ZNF317: variants seen among roughly 807,000 people sequenced by gnomAD.
ZNF317 encodes zinc finger protein 317.
Under a neutral mutation model 23.4 loss-of-function variants are expected in ZNF317, and 17 were observed. That is an observed-to-expected ratio of 0.73 (90% CI 0.50 to 1.09). The LOEUF (loss-of-function observed/expected upper bound fraction) is 1.09, where lower values mean the gene tolerates loss of function less well. ZNF317 is among the 50% of genes least tolerant of loss of function. The probability of loss-of-function intolerance (pLI) is 0.00; values close to 1 mark genes in which losing one functional copy is unlikely to be tolerated. For synonymous variants in ZNF317, 317 were observed against 314.9 expected, an observed-to-expected ratio of 1.01 and a Z score of -0.07; for missense variants, 679 against 796.7, an observed-to-expected ratio of 0.85 and a Z score of 1.78.
chr19:9,161,007 T>G lies in ZNF317; in HGVS notation c.1362T>G (p.Ala454=). The G allele has an allele frequency of 4.3e-6, 7 of 1,613,632 alleles. No individual in the cohort carries two copies. The highest frequency in any genetic ancestry group is 5.9e-6 in the Non-Finnish European group (7 of 1,179,900). The change falls in exon 7 of 7, where the codon GCT becomes GCG. Residue 454 remains alanine, a synonymous_variant. Coordinates refer to ENST00000247956, the MANE Select transcript of ZNF317 (RefSeq NM_020933.5). This position sits in a 1 kb window ranked among gnomAD's most constrained non-coding sequence, Gnocchi z 4.0. Reference sequence around the variant, plus strand: ...ACGGGTGCGATCTCTGCGGGAAAGCTTTCAGCGCGAGTTCAAACCTCACCG... The same window carrying G: ...ACGGGTGCGATCTCTGCGGGAAAGCGTTCAGCGCGAGTTCAAACCTCACCG... The part of the protein sequence containing the change: ...KPYGCDLCGK[A]FSASSNLTAH...
At chr19:9,153,724 T>C (rs1379142602) in intron 1 of ZNF317, among the ~76,000 whole-genome samples, 1 of 152,124 alleles carries the variant, frequency 6.6e-6, no homozygotes, top group African/African-American at 2.4e-5. Context: ...AGGAGACAGT[T>C]GTAGAGGAGC....
chr19:9,143,843 A>T (rs1340842496), intron 1 of ZNF317, among the ~76,000 whole-genome samples: 2 of 137,214 alleles, frequency 1.5e-5, no homozygotes, highest in Non-Finnish European at 3.2e-5. Context: ...ATAACTTTTT[A>T]TTATGTAATA....
chr19:9,156,893 T>C, intron 3 of ZNF317, 145 bp downstream of exon 3: 1 of 1,029,186 alleles, frequency 9.7e-7, no homozygotes, highest in East Asian at 2.6e-5. Flanking sequence ...ATATTGGGGC[T>C]GTCCTGGTGT....
chr19:9,146,728 C>T (rs1239264705), intron 1 of ZNF317, among the ~76,000 whole-genome samples: 1 of 152,048 alleles, frequency 6.6e-6, no homozygotes. Context: ...CCATGCTGGG[C>T]CTATATTTAC....
rs561722503 is a variant in ZNF317, at chr19:9,162,882, T to C, written c.*1449T>C. On this transcript the variant is annotated 3_prime_UTR_variant, in exon 7 of 7. Transcript: ENST00000247956. ...ATGCACACGGATTGCGACCAGAGCATGATGCCTCCATCAAGTGGTAATATG... is the reference window on the plus strand; with the variant it reads ...ATGCACACGGATTGCGACCAGAGCACGATGCCTCCATCAAGTGGTAATATG... 20 of 152,328 alleles carry C rather than the reference T, an allele frequency of 1.3e-4. No homozygotes were observed. The highest frequency in any genetic ancestry group is 4.8e-4 in the African/African-American group (20 of 41,586). 9.4% of individuals were successfully genotyped at this position (152,328 alleles called of 1,614,324 possible). A position where few individuals can be genotyped will look rare whatever the true frequency, so the allele number is the denominator to read the frequency against.
chr19:9,144,294 C>T (rs74257208), intron 1 of ZNF317, among the ~76,000 whole-genome samples: 23,424 of 152,166 alleles, frequency 0.15, 2,102 homozygotes, highest in Non-Finnish European at 0.19. Flanking sequence ...TGAGCCACCG[C>T]GCCCGGCTCT....
intron 1 of ZNF317, among the ~76,000 whole-genome samples, chr19:9,153,936 C>A (rs1288362316): frequency 6.6e-6 from 1 of 151,974 alleles, no homozygotes; most frequent in Non-Finnish European, 1.5e-5. Flanking sequence ...CGGAAGGGGG[C>A]ACTAAGGGGA....
chr19:9,150,308 G>T (rs958308784), intron 1 of ZNF317, among the ~76,000 whole-genome samples: 1 of 152,228 alleles, frequency 6.6e-6, no homozygotes, highest in African/African-American at 2.4e-5. Flanking sequence ...TGGCATTTTA[G>T]AGTGAATGTT....
At chr19:9,156,542 C>T in intron 2 of ZNF317, 70 bp from the exon 3 acceptor site, 1 of 1,554,532 alleles carries the variant, frequency 6.4e-7, no homozygotes, top group Non-Finnish European at 8.7e-7. Context: ...GAGCAGTTTC[C>T]TGGTTTACAA....
intron 1 of ZNF317, among the ~76,000 whole-genome samples, chr19:9,150,307 A>G (rs2050725148): frequency 6.6e-6 from 1 of 152,254 alleles, no homozygotes; most frequent in African/African-American, 2.4e-5. Flanking sequence ...ATGGCATTTT[A>G]GAGTGAATGT....
chr19:9,154,502 A>G (rs1391697122), intron 1 of ZNF317, among the ~76,000 whole-genome samples: 1 of 151,648 alleles, frequency 6.6e-6, no homozygotes, highest in African/African-American at 2.4e-5. Context: ...TTGTGTGTCC[A>G]GTTTCTTTTG....
Position 9,161,017 on chromosome 19 carries a change from A to T in ZNF317, c.1372A>T (p.Ser458Cys), listed in dbSNP as rs760875855. 3 of 1,613,952 alleles carry T rather than the reference A, an allele frequency of 1.9e-6. No individual in the cohort carries two copies. In the South Asian group the frequency reaches 3.3e-5, roughly 18 times the overall value. ...CDLCGKAFSA[S>C]SNLTAHRKIH... ...TCTCTGCGGGAAAGCTTTCAGCGCG[A>T]GTTCAAACCTCACCGCACACAGGAA... Residue 458 changes from serine (S) to cysteine (C), a missense_variant, in exon 7 of 7, where the codon AGT becomes TGT. By Grantham distance (112) the Ser-to-Cys change is moderately radical (BLOSUM62 -1). Coordinates refer to ENST00000247956, the MANE Select transcript of ZNF317 (RefSeq NM_020933.5). This position sits in a 1 kb window ranked among gnomAD's most constrained non-coding sequence, Gnocchi z 4.0.
At position 9,163,046 on chromosome 19, in the gene ZNF317, C is replaced by T. The variant is rs1798227776; in HGVS notation, c.*1613C>T. On this transcript the variant is annotated 3_prime_UTR_variant, in exon 7 of 7. Coordinates refer to ENST00000247956, the MANE Select transcript of ZNF317 (RefSeq NM_020933.5). ...TGTGCTAATCTAAATTTTAAAAAAT[C>T]TCTTACAGGTTTTCTTGCAGCTGGT... 1.3e-5 allele frequency: 2 copies of T among 152,196 alleles called. No homozygotes were observed. Among genetic ancestry groups the T allele is most frequent in the South Asian group, 4.1e-4 (2 of 4,836 alleles). The allele number at this position is 152,196 out of a possible 1,614,324, so 9.4% of individuals were successfully genotyped here.
rs1375852634 is a variant in ZNF317 at position 9,162,542 on chromosome 19, CT to C, written c.*1111del. The C allele has an allele frequency of 6.8e-6, 1 of 146,432 alleles. No homozygotes were observed. The highest frequency in any genetic ancestry group is 1.5e-5 in the Non-Finnish European group (1 of 67,182). The allele number at this position is 146,432 out of a possible 1,614,324, so 9.1% of individuals were successfully genotyped here. Reference sequence around the variant, plus strand: ...ATTTTCCGGTGAATACGGGATTGCACTTACTCTTTCATCACGGAAACAGACC... The same window carrying C: ...ATTTTCCGGTGAATACGGGATTGCACTACTCTTTCATCACGGAAACAGACC... On this transcript the variant is annotated 3_prime_UTR_variant, in exon 7 of 7. Coordinates refer to ENST00000247956, the MANE Select transcript of ZNF317 (RefSeq NM_020933.5).
At chr19:9,143,051 A>G (rs979617306) in intron 1 of ZNF317, among the ~76,000 whole-genome samples, 5 of 152,128 alleles carry the variant, frequency 3.3e-5, no homozygotes, top group African/African-American at 1.2e-4. Context: ...AAAGTTTTAA[A>G]GCTATTGTTT....
In ZNF317 at chr19:9,155,989, C is replaced by G; in HGVS notation, c.-28C>G. The G allele has an allele frequency of 6.2e-7, 1 of 1,614,166 alleles. No individual in the cohort carries two copies. Among genetic ancestry groups the G allele is most frequent in the South Asian group, 1.1e-5 (1 of 91,080 alleles). On this transcript the variant is annotated 5_prime_UTR_variant, in exon 2 of 7. Coordinates refer to ENST00000247956, the MANE Select transcript of ZNF317 (RefSeq NM_020933.5). Reference sequence around the variant, plus strand: ...TTTCTGGTTGTCCTGGTGCCCTGCTCAGGCAAACTGACTGCCATTCTCTGA... The same window carrying G: ...TTTCTGGTTGTCCTGGTGCCCTGCTGAGGCAAACTGACTGCCATTCTCTGA...
chr19:9,142,167 G>A (rs10422991), intron 1 of ZNF317, among the ~76,000 whole-genome samples: 79,051 of 152,066 alleles, frequency 0.52, 23,493 homozygotes, highest in African/African-American at 0.83. Context: ...ATTTATTCTT[G>A]GGAACTTTGT....
At position 9,160,985 on chromosome 19, in the gene ZNF317, G is replaced by C. The variant is rs1358159085; in HGVS notation, c.1340G>C (p.Gly447Ala). 6.2e-7 allele frequency: 1 copy of C among 1,613,880 alleles called. No individual in the cohort carries two copies. The highest frequency in any genetic ancestry group is 2.2e-5 in the East Asian group (1 of 44,848). The change falls in exon 7 of 7, where the codon GGG becomes GCG. Residue 447 changes from glycine (G) to alanine (A), a missense_variant. Transcript: ENST00000247956. This position sits in a 1 kb window ranked among gnomAD's most constrained non-coding sequence, Gnocchi z 6.8. Reference sequence around the variant, plus strand: ...TCTCACACTGGAGAGAAACCATACGGGTGCGATCTCTGCGGGAAAGCTTTC... The same window carrying C: ...TCTCACACTGGAGAGAAACCATACGCGTGCGATCTCTGCGGGAAAGCTTTC... ...MNSHTGEKPY[G>A]CDLCGKAFSA...
At chr19:9,146,423 T>A (rs1158930986) in intron 1 of ZNF317, among the ~76,000 whole-genome samples, 2 of 132,814 alleles carry the variant, frequency 1.5e-5, no homozygotes, top group East Asian at 4.1e-4. Flanking sequence ...TTTATATACT[T>A]TTTTTCTTTT....
Sources: gnomAD v4.1 joint callset for allele counts (sites outside exome capture counted in the v4.1 genomes callset) on GRCh38, gnomAD v4.1.1 for gene constraint, Gnocchi (gnomAD v3.1) non-coding constraint, MANE v1.5 for transcripts, NCBI Gene and HGNC (gene_info 2026-07-23, HGNC 2026-07-21) for gene names.